Variants in CAPZA1 observed in about 807,000 individuals in gnomAD.
The protein encoded by CAPZA1 is capping actin protein of muscle Z-line subunit alpha 1.
CAPZA1 carries 10 observed loss-of-function variants against 40.8 expected under a neutral mutation model. The ratio of observed to expected loss-of-function variants is 0.25; its 90% confidence interval spans 0.15 to 0.42. The LOEUF (loss-of-function observed/expected upper bound fraction) is 0.42, where lower values mean the gene tolerates loss of function less well. Ranked by LOEUF, CAPZA1 falls within the 10% of genes least tolerant of loss-of-function variation. The pLI, the probability that CAPZA1 is intolerant of heterozygous loss-of-function variation, is 1.00. For synonymous variants in CAPZA1, 98 were observed against 115.0 expected, an observed-to-expected ratio of 0.85 and a Z score of 0.95; for missense variants, 277 against 353.8, an observed-to-expected ratio of 0.78 and a Z score of 1.74.
At chr1:112,657,142 C>T (rs950047768) in intron 5 of CAPZA1, among the ~76,000 whole-genome samples, 1 of 151,938 alleles carries the variant, frequency 6.6e-6, no homozygotes, top group Non-Finnish European at 1.5e-5. Flanking sequence ...CCTTGTAATC[C>T]GTTCGCCTCA....
At chr1:112,630,346 A>T (rs1670896303) in intron 1 of CAPZA1, among the ~76,000 whole-genome samples, 1 of 150,468 alleles carries the variant, frequency 6.6e-6, no homozygotes, top group Admixed American at 6.6e-5. Context: ...TTTTATTTGT[A>T]TTTATTTTTA....
chr1:112,665,089 C>CT (rs1229057720), intron 7 of CAPZA1, among the ~76,000 whole-genome samples: 1 of 151,850 alleles, frequency 6.6e-6, no homozygotes, highest in Non-Finnish European at 1.5e-5. Flanking sequence ...TTCTCTTTTC[C>CT]TTTTCTGCTT....
chr1:112,626,517 C>T (rs759547622), intron 1 of CAPZA1, among the ~76,000 whole-genome samples: 14 of 152,020 alleles, frequency 9.2e-5, no homozygotes, highest in Non-Finnish European at 1.6e-4. Flanking sequence ...ACCCAGTTTC[C>T]CTGACAAGTA....
chr1:112,649,401 A>C lies in CAPZA1; in HGVS notation c.104-17A>C, dbSNP rs990334068. 1.2e-6 allele frequency: 2 copies of C among 1,604,012 alleles called. No individual in the cohort carries two copies. Among genetic ancestry groups the C allele is most frequent in the African/African-American group, 2.7e-5 (2 of 74,642 alleles). On this transcript the variant is annotated splice_polypyrimidine_tract_variant and intron_variant, in intron 2 of 9. Transcript: ENST00000263168. Reference sequence around the variant, plus strand: ...AATTTATCCTCCACTGAACATTGTAACATTTTTCCTCCTCAGACGTTCGGC... The same window carrying C: ...AATTTATCCTCCACTGAACATTGTACCATTTTTCCTCCTCAGACGTTCGGC...
At chr1:112,653,722 A>G (rs917052205) in intron 4 of CAPZA1, 61 bp downstream of exon 4, 2 of 1,127,926 alleles carry the variant, frequency 1.8e-6, no homozygotes, top group African/African-American at 3.2e-5. Flanking sequence ...ATTAATGGAA[A>G]CCAAAGCAGA....
chr1:112,657,391 C>T (rs1213141352), intron 5 of CAPZA1, among the ~76,000 whole-genome samples: 2 of 152,160 alleles, frequency 1.3e-5, no homozygotes, highest in African/African-American at 4.8e-5. Flanking sequence ...AATGCCATTT[C>T]CTCTATCTAC....
intron 1 of CAPZA1, chr1:112,620,354 TCCTC>T (rs1240322814): frequency 6.5e-6 from 1 of 153,600 alleles, no homozygotes; most frequent in Non-Finnish European, 1.5e-5. Context: ...TGCTCCTCCT[TCCTC>T]AGGAAGTGAT....
chr1:112,647,137 ATTTG>A, intron 1 of CAPZA1, 69 bp from the exon 2 acceptor site: 1 of 714,226 alleles, frequency 1.4e-6, no homozygotes, highest in Non-Finnish European at 2.2e-6. Context: ...AAAATTTATA[ATTTG>A]TTAATTATTT....
chr1:112,650,036 G>A (rs2101166890), intron 3 of CAPZA1: 1 of 151,472 alleles, frequency 6.6e-6, no homozygotes, highest in African/African-American at 2.4e-5. Context: ...TAAACTTGCT[G>A]TAGCTTTCAA....
chr1:112,639,642 C>T (rs1671092610), intron 1 of CAPZA1, among the ~76,000 whole-genome samples: 1 of 152,088 alleles, frequency 6.6e-6, no homozygotes, highest in East Asian at 1.9e-4. Flanking sequence ...TGACCTGGTT[C>T]TTTCAGTTTT....
intron 8 of CAPZA1, among the ~76,000 whole-genome samples, chr1:112,667,942 T>A (rs1671756547): frequency 6.6e-6 from 1 of 152,152 alleles, no homozygotes; most frequent in Non-Finnish European, 1.5e-5. Flanking sequence ...CCCAAAGAGT[T>A]TTTGTTTATG....
intron 1 of CAPZA1, among the ~76,000 whole-genome samples, chr1:112,641,191 CTG>C (rs1671149552): frequency 6.6e-6 from 1 of 150,986 alleles, no homozygotes; most frequent in South Asian, 2.1e-4. Context: ...AAATCCCCCT[CTG>C]TGAGAAACAC....
At chr1:112,649,335 A>G in intron 2 of CAPZA1, 83 bp from the exon 3 acceptor site, 3 of 975,450 alleles carry the variant, frequency 3.1e-6, no homozygotes, top group Non-Finnish European at 4.9e-6. Context: ...ACAAAGCCTG[A>G]CATTTAAAAA....
At chr1:112,639,597 A>G (rs1226118553) in intron 1 of CAPZA1, among the ~76,000 whole-genome samples, 3 of 152,004 alleles carry the variant, frequency 2.0e-5, no homozygotes, top group Admixed American at 6.5e-5. Flanking sequence ...TGCCTTTAGG[A>G]TTTGGACATC....
At chr1:112,655,787 T>TC (rs1671489012) in intron 5 of CAPZA1, among the ~76,000 whole-genome samples, 1 of 152,096 alleles carries the variant, frequency 6.6e-6, no homozygotes, top group African/African-American at 2.4e-5. Flanking sequence ...GGTCTCGAAC[T>TC]CCTAACATCA....
intron 1 of CAPZA1, among the ~76,000 whole-genome samples, chr1:112,627,580 C>T (rs1320718005): frequency 3.0e-5 from 4 of 134,576 alleles, no homozygotes; most frequent in African/African-American, 1.1e-4. Context: ...TGCAGTGAGC[C>T]GAGATCATGC....
rs2101140501 is a variant in CAPZA1, at chr1:112,629,605, G to A, written c.39+9722G>A. Among the ~76,000 whole-genome samples the A allele has an allele frequency of 3.3e-5, 5 of 152,236 alleles. No homozygotes were observed. In the South Asian group the frequency reaches 1.0e-3, roughly 32 times the overall value. On this transcript the variant is annotated intron_variant, in intron 1 of 9. Transcript: ENST00000263168. ...CAGTCTGATTTCCAAGTTTTGTGAG[G>A]CCATATTGAGGACTCCAGTACTTCT...
At position 112,670,579 on chromosome 1, in the gene CAPZA1, C is replaced by CTATG. The variant is rs1482349753; in HGVS notation, c.*448_*451dup. ...ACTGATCCACCAACACCTAAAGAGG[C>CTATG]TATGCTACAGTCTCTAGCTAAATGG... On this transcript the variant is annotated 3_prime_UTR_variant, in exon 10 of 10. Transcript: ENST00000263168. 3 of 155,308 alleles carry CTATG rather than the reference C, an allele frequency of 1.9e-5. No homozygotes were observed. Among genetic ancestry groups the CTATG allele is most frequent in the Admixed American group, 6.5e-5 (1 of 15,462 alleles). The allele number at this position is 155,308 out of a possible 1,614,324, so 9.6% of individuals were successfully genotyped here. A position where few individuals can be genotyped will look rare whatever the true frequency, so the allele number is the denominator to read the frequency against.
chr1:112,640,774 TAG>T (rs939974357), intron 1 of CAPZA1, among the ~76,000 whole-genome samples: 3 of 152,188 alleles, frequency 2.0e-5, no homozygotes, highest in African/African-American at 7.2e-5. Context: ...CTTTGTGGAA[TAG>T]AGAGGGGAGA....
Sources: allele counts gnomAD v4.1 joint callset (sites outside exome capture counted in the v4.1 genomes callset), GRCh38; gene constraint gnomAD v4.1.1; transcripts MANE v1.5; gene names NCBI Gene and HGNC (gene_info 2026-07-23, HGNC 2026-07-21).